SMYD3: variants seen among roughly 807,000 people sequenced by gnomAD.
SMYD3 encodes histone-lysine N-methyltransferase SMYD3.
SMYD3 carries 36 observed loss-of-function variants against 57.7 expected under a neutral mutation model. The observed-to-expected ratio is 0.62, with a 90% CI of 0.48 to 0.82. SMYD3 has a LOEUF of 0.82. Ranked by LOEUF, SMYD3 falls within the 40% of genes least tolerant of loss-of-function variation. The pLI, the probability that SMYD3 is intolerant of heterozygous loss-of-function variation, is 0.00. For missense variants in SMYD3, 515 were observed against 538.8 expected, an observed-to-expected ratio of 0.96 and a Z score of 0.44; for synonymous variants, 211 against 195.0, an observed-to-expected ratio of 1.08 and a Z score of -0.68.
chr1:246,080,137 CGTAA>C (rs2060613787), intron 5 of SMYD3, among the ~76,000 whole-genome samples: 1 of 149,474 alleles, frequency 6.7e-6, no homozygotes, highest in Non-Finnish European at 1.5e-5. Context: ...TTCATGAACT[CGTAA>C]GTCAGTCTCC....
chr1:246,139,650 T>A (rs1172529152), intron 5 of SMYD3, among the ~76,000 whole-genome samples: 1 of 152,196 alleles, frequency 6.6e-6, no homozygotes, highest in Admixed American at 6.5e-5. Context: ...CATGTAGAAT[T>A]TTAAATTAAA....
intron 5 of SMYD3, among the ~76,000 whole-genome samples, chr1:246,088,400 G>T (rs2060758858): frequency 1.3e-5 from 2 of 151,194 alleles, no homozygotes; most frequent in Middle Eastern, 6.8e-3. Flanking sequence ...ATGAGGTCAG[G>T]AGATCGAGAC....
At chr1:245,812,554 C>G (rs951395890) in intron 10 of SMYD3, among the ~76,000 whole-genome samples, 1 of 152,070 alleles carries the variant, frequency 6.6e-6, no homozygotes, top group African/African-American at 2.4e-5. Context: ...CGAGGAAACC[C>G]TAAGAGAGGG....
At chr1:245,881,023 G>C (rs542779414) in intron 8 of SMYD3, among the ~76,000 whole-genome samples, 1 of 152,280 alleles carries the variant, frequency 6.6e-6, no homozygotes. Context: ...GGGCCTCTAA[G>C]GGCCCTTCCC....
chr1:245,751,153 C>A (rs2045330564), intron 11 of SMYD3, among the ~76,000 whole-genome samples: 1 of 152,172 alleles, frequency 6.6e-6, no homozygotes, highest in Non-Finnish European at 1.5e-5. Context: ...CTAAGCTACT[C>A]CTGGAAATTT....
At chr1:245,795,806 C>G (rs190717968) in intron 10 of SMYD3, among the ~76,000 whole-genome samples, 26 of 152,330 alleles carry the variant, frequency 1.7e-4, no homozygotes, top group African/African-American at 6.3e-4. Flanking sequence ...CTTGTCCCCT[C>G]TCTCCCTAAA....
At chr1:245,974,514 A>G (rs537121941) in intron 5 of SMYD3, among the ~76,000 whole-genome samples, 130 of 145,848 alleles carry the variant, frequency 8.9e-4, no homozygotes, top group African/African-American at 3.1e-3. Context: ...CGGCCCAGGG[A>G]AAGCCATCGT....
At chr1:246,087,211 T>C (rs984267040) in intron 5 of SMYD3, among the ~76,000 whole-genome samples, 1 of 152,208 alleles carries the variant, frequency 6.6e-6, no homozygotes, top group African/African-American at 2.4e-5. Context: ...CCCTTATAGC[T>C]ACAAACCCAT....
At chr1:245,881,095 C>G (rs1175124667) in intron 8 of SMYD3, among the ~76,000 whole-genome samples, 1 of 152,168 alleles carries the variant, frequency 6.6e-6, no homozygotes, top group Non-Finnish European at 1.5e-5. Context: ...TAAAAATATA[C>G]AGATCTCCAA....
chr1:245,923,519 C>CT (rs1324551420), intron 7 of SMYD3, among the ~76,000 whole-genome samples: 1 of 152,180 alleles, frequency 6.6e-6, no homozygotes, highest in African/African-American at 2.4e-5. Flanking sequence ...CATCTAAATT[C>CT]TTTCGTCGTC....
intron 5 of SMYD3, among the ~76,000 whole-genome samples, chr1:246,131,618 C>T (rs146355697): frequency 6.6e-5 from 10 of 152,300 alleles, no homozygotes; most frequent in African/African-American, 1.9e-4. Flanking sequence ...ACATAAATTT[C>T]GGCTATAACT....
intron 5 of SMYD3, among the ~76,000 whole-genome samples, chr1:246,018,754 C>A (rs970577365): frequency 3.3e-5 from 5 of 150,536 alleles, no homozygotes; most frequent in Non-Finnish European, 7.4e-5. Flanking sequence ...CACAGGTGTG[C>A]ACCACCATGC....
chr1:246,439,776 C>T (rs2067435919), intron 1 of SMYD3, among the ~76,000 whole-genome samples: 1 of 152,132 alleles, frequency 6.6e-6, no homozygotes, highest in African/African-American at 2.4e-5. Context: ...GGCGAGACCA[C>T]ATCTCTACTA....
At chr1:246,092,562 T>C (rs1378664903) in intron 5 of SMYD3, among the ~76,000 whole-genome samples, 2 of 152,210 alleles carry the variant, frequency 1.3e-5, no homozygotes, top group South Asian at 2.1e-4. Flanking sequence ...TATCCATATA[T>C]AGAAGAATGC....
At position 246,279,221 on chromosome 1, in the gene SMYD3, T is replaced by C. The variant is rs976676259; in HGVS notation, c.531+47980A>G. ...TCCCAAAGAGCCACTTAAGCTACAA[T>C]GTAAGATTGTTGAGACCAGCCGGGC... On this transcript the variant is annotated intron_variant, in intron 5 of 11. Coordinates refer to ENST00000490107, the MANE Select transcript of SMYD3 (RefSeq NM_001167740.2). Among the ~76,000 whole-genome samples the C allele has an allele frequency of 3.9e-5, 6 of 152,146 alleles. No individual in the cohort carries two copies. The East Asian group carries it at 9.6e-4, about 24-fold the overall frequency.
chr1:245,914,081 A>G (rs1220017928), intron 8 of SMYD3, among the ~76,000 whole-genome samples: 1 of 152,192 alleles, frequency 6.6e-6, no homozygotes, highest in Non-Finnish European at 1.5e-5. Context: ...AAAAAAAGAC[A>G]CCTAGGAATA....
In SMYD3 at chr1:246,507,038, G is replaced by A. The variant is rs556362777; in HGVS notation, c.164+16C>T. The stretch of plus-strand genomic sequence containing the variant: ...ACAGCTCGCGACTCAGGTAGGCGAG[G>A]GCGCTCCTTACGCACCCGAGAAGGC... On this transcript the variant is annotated intron_variant, in intron 1 of 11. Transcript: ENST00000490107. 6.7e-7 allele frequency: 1 copy of A among 1,496,762 alleles called. No individual in the cohort carries two copies. The highest frequency in any genetic ancestry group is 1.5e-5 in the African/African-American group (1 of 68,652). 92.7% of individuals were successfully genotyped at this position (1,496,762 alleles called of 1,614,324 possible). A position where few individuals can be genotyped will look rare whatever the true frequency, so the allele number is the denominator to read the frequency against.
At chr1:246,390,214 CAAAAAAAAAAAA>C (rs56279385) in intron 1 of SMYD3, among the ~76,000 whole-genome samples, 5 of 66,970 alleles carry the variant, frequency 7.5e-5, no homozygotes, top group Middle Eastern at 0.014. Context: ...ATTCTGTCTC[CAAAAAAAAAAAA>C]AAAAAAAAAA....
chr1:246,333,679 G>C (rs1481198302), intron 3 of SMYD3, among the ~76,000 whole-genome samples: 1 of 151,866 alleles, frequency 6.6e-6, no homozygotes, highest in African/African-American at 2.4e-5. Flanking sequence ...TTTGAGACCA[G>C]ACTGGGAAAC....
Sources: allele counts gnomAD v4.1 joint callset (sites outside exome capture counted in the v4.1 genomes callset), GRCh38; gene constraint gnomAD v4.1.1; transcripts MANE v1.5; gene names NCBI Gene and HGNC (gene_info 2026-07-23, HGNC 2026-07-21).